Variants in GABBR2 observed in about 807,000 individuals in gnomAD.
GABBR2 encodes the protein G-protein coupled receptor 51.
In GABBR2, 23 loss-of-function variants were observed where a neutral mutation model predicts 105.6. That is an observed-to-expected ratio of 0.22 (90% confidence interval 0.16 to 0.31). The LOEUF (loss-of-function observed/expected upper bound fraction) is 0.31. Ranked by LOEUF, GABBR2 falls within the 10% of genes least tolerant of loss-of-function variation. The pLI, the probability that GABBR2 is intolerant of heterozygous loss-of-function variation, is 1.00. For synonymous variants in GABBR2, 478 were observed against 499.7 expected (o/e 0.96, Z 0.58); for missense variants, 734 against 1,245.5 (o/e 0.59, Z 6.18).
intron 18 of GABBR2, among the ~76,000 whole-genome samples, chr9:98,292,599 C>A (rs1319881965): frequency 6.6e-6 from 1 of 152,164 alleles, no homozygotes; most frequent in Non-Finnish European, 1.5e-5. Flanking sequence ...TAAAGTTGGA[C>A]CTGTATAATG....
At chr9:98,486,195 C>A (rs1827043597) in intron 4 of GABBR2, among the ~76,000 whole-genome samples, 1 of 152,200 alleles carries the variant, frequency 6.6e-6, no homozygotes, top group South Asian at 2.1e-4. Context: ...ACTGGCCTTG[C>A]CCCGGGTGGG....
At position 98,319,239 on chromosome 9, in the gene GABBR2, A is replaced by AT. The variant is rs370044172; in HGVS notation, c.1894-8035_1894-8034insA. Among the ~76,000 whole-genome samples, 158 of 152,244 alleles carry AT rather than the reference A, an allele frequency of 1.0e-3. 2 individuals carry two copies. Among genetic ancestry groups the AT allele is most frequent in the African/African-American group, 3.7e-3 (153 of 41,540 alleles). ...GTGACTCGCAAGCTGGAGAGACGGG[A>AT]AAGCCTGCTCCTGATGTGGAAAGCA... On this transcript the variant is annotated intron_variant, in intron 13 of 18. Transcript: ENST00000259455.
intron 1 of GABBR2, among the ~76,000 whole-genome samples, chr9:98,685,935 C>G (rs569743110): frequency 6.6e-6 from 1 of 152,130 alleles, no homozygotes; most frequent in African/African-American, 2.4e-5. Flanking sequence ...GCAATCCTCC[C>G]GCCTTGGCCT....
At chr9:98,529,425 C>G (rs1828023325) in intron 3 of GABBR2, among the ~76,000 whole-genome samples, 1 of 152,142 alleles carries the variant, frequency 6.6e-6, no homozygotes, top group Non-Finnish European at 1.5e-5. Flanking sequence ...TGCTAAGAAG[C>G]CATTTCGATA....
At chr9:98,488,453 A>C (rs1346994379) in intron 4 of GABBR2, among the ~76,000 whole-genome samples, 1 of 152,222 alleles carries the variant, frequency 6.6e-6, no homozygotes, top group Non-Finnish European at 1.5e-5. Flanking sequence ...CTCAAAAAAG[A>C]AAGCCAAACA....
Position 98,473,282 on chromosome 9 carries a change from G to A in GABBR2, c.863C>T (p.Ser288Phe). Reference sequence around the variant, plus strand: ...TTCCGTGTGCACCTGCTCCCACCAAGAAGGCTCGTACCAGCCCGGAATGAT... The same window carrying A: ...TTCCGTGTGCACCTGCTCCCACCAAAAAGGCTCGTACCAGCCCGGAATGAT... ...QWIIPGWYEP[S>F]WWEQVHTEAN... The change falls in exon 6 of 19, where the codon TCT (serine) becomes TTT (phenylalanine). Residue 288 changes from serine to phenylalanine, a missense_variant. Physicochemically the swap from Ser to Phe is radical, Grantham distance 155. Coordinates refer to ENST00000259455, the MANE Select transcript of GABBR2 (RefSeq NM_005458.8). 6.2e-7 allele frequency: 1 copy of A among 1,613,736 alleles called. No homozygotes were observed. The highest frequency in any genetic ancestry group is 8.5e-7 in the Non-Finnish European group (1 of 1,179,768).
intron 3 of GABBR2, among the ~76,000 whole-genome samples, chr9:98,523,459 T>G (rs1827903881): frequency 6.6e-6 from 1 of 152,170 alleles, no homozygotes. Context: ...CCTCAAGCAA[T>G]CAAGTAGCTG....
intron 3 of GABBR2, among the ~76,000 whole-genome samples, chr9:98,515,493 T>C (rs1382906811): frequency 1.3e-5 from 2 of 152,200 alleles, no homozygotes; most frequent in East Asian, 3.9e-4. Flanking sequence ...CAACTTATGT[T>C]CTGCTCTAAC....
chr9:98,349,133 A>C (rs1052549676), intron 13 of GABBR2, among the ~76,000 whole-genome samples: 34 of 151,704 alleles, frequency 2.2e-4, no homozygotes, highest in African/African-American at 8.0e-4. Context: ...TTTTTTTATC[A>C]TGAAGGGATG....
At position 98,451,061 on chromosome 9, in the gene GABBR2, C is replaced by T. The variant is rs545830970; in HGVS notation, c.1236+2920G>A. On this transcript the variant is annotated intron_variant, in intron 7 of 18. Transcript: ENST00000259455. ...CTGCCAAAATGCTACCCGTGGGACCCTGGGTGAATCCCACCCCTTTCTGAG... is the reference window on the plus strand; with the variant it reads ...CTGCCAAAATGCTACCCGTGGGACCTTGGGTGAATCCCACCCCTTTCTGAG... 2.0e-5 allele frequency among the ~76,000 whole-genome samples: 3 copies of T among 152,288 alleles called. No individual in the cohort carries two copies. The South Asian group carries it at 6.2e-4, about 32-fold the overall frequency.
intron 8 of GABBR2, among the ~76,000 whole-genome samples, chr9:98,402,658 C>T (rs773122099): frequency 1.8e-4 from 27 of 152,040 alleles, no homozygotes; most frequent in East Asian, 3.9e-4. Context: ...TGTGGGCAAC[C>T]GAGGCTCAGT....
rs140948956 is a variant in GABBR2, at chr9:98,537,303, T to A, written c.630+4570A>T. On this transcript the variant is annotated intron_variant, in intron 3 of 18. Coordinates refer to ENST00000259455, the MANE Select transcript of GABBR2 (RefSeq NM_005458.8). ...GAAGCCAGACGCAAAAGACTGCGTG[T>A]TCTTTAATTCCATTTATATGAAATT... 9.2e-5 allele frequency among the ~76,000 whole-genome samples: 14 copies of A among 152,346 alleles called. No homozygotes were observed. In the East Asian group the frequency reaches 1.7e-3, roughly 19 times the overall value.
intron 4 of GABBR2, among the ~76,000 whole-genome samples, chr9:98,493,226 A>G (rs1827214075): frequency 6.6e-6 from 1 of 152,162 alleles, no homozygotes; most frequent in Non-Finnish European, 1.5e-5. Flanking sequence ...CCCCACCAGT[A>G]TGTGTGTTAT....
At chr9:98,600,235 T>G (rs1337401514) in intron 1 of GABBR2, among the ~76,000 whole-genome samples, 1 of 152,154 alleles carries the variant, frequency 6.6e-6, no homozygotes, top group Non-Finnish European at 1.5e-5. Flanking sequence ...ACAGCTAAGA[T>G]GACAGGCATC....
chr9:98,360,525 C>A (rs1388399629), intron 13 of GABBR2, among the ~76,000 whole-genome samples: 1 of 151,882 alleles, frequency 6.6e-6, no homozygotes, highest in African/African-American at 2.4e-5. Flanking sequence ...CCCTGGATAG[C>A]ACCTTTCCAG....
intron 17 of GABBR2, among the ~76,000 whole-genome samples, chr9:98,296,909 C>G (rs1645887620): frequency 1.3e-5 from 2 of 152,076 alleles, no homozygotes; most frequent in African/African-American, 4.8e-5. Context: ...AATTTATCAA[C>G]CTTTCCTTTT....
intron 11 of GABBR2, among the ~76,000 whole-genome samples, chr9:98,375,938 G>A (rs1410593113): frequency 6.6e-6 from 1 of 152,152 alleles, no homozygotes; most frequent in African/African-American, 2.4e-5. Flanking sequence ...CTACTGGTTC[G>A]TCAACACCAA....
intron 16 of GABBR2, chr9:98,302,926 A>T: frequency 1.5e-5 from 5 of 342,308 alleles, no homozygotes; most frequent in Non-Finnish European, 2.6e-5. Flanking sequence ...AGATAAAGAG[A>T]CACTGACGTA....
intron 2 of GABBR2, among the ~76,000 whole-genome samples, chr9:98,566,133 G>A (rs1394544003): frequency 6.6e-6 from 1 of 152,200 alleles, no homozygotes; most frequent in Non-Finnish European, 1.5e-5. Flanking sequence ...TGACCAACTT[G>A]TCCCGGCCAG....
Sources: gnomAD v4.1 joint callset for allele counts (sites outside exome capture counted in the v4.1 genomes callset) on GRCh38, gnomAD v4.1.1 for gene constraint, MANE v1.5 for transcripts, NCBI Gene and HGNC (gene_info 2026-07-23, HGNC 2026-07-21) for gene names.